C10orf67: variants seen among roughly 807,000 people sequenced by gnomAD.
C10orf67 encodes uncharacterized protein C10orf67, mitochondrial.
In C10orf67, 60 loss-of-function variants were observed where a neutral mutation model predicts 35.6. The observed-to-expected ratio is 1.68, with a 90% CI of 1.37 to 2.09. The LOEUF (loss-of-function observed/expected upper bound fraction) is 2.09. Ranked by LOEUF, C10orf67 falls within the 30% of genes most tolerant of loss-of-function variation. The pLI is 0.00. For synonymous variants in C10orf67, 167 were observed against 115.8 expected (o/e 1.44, Z -2.84); for missense variants, 474 against 330.2 (o/e 1.44, Z -3.38).
chr10:23,337,336 C>A (rs763015352), intron 1 of C10orf67, among the ~76,000 whole-genome samples: 4 of 152,152 alleles, frequency 2.6e-5, no homozygotes, highest in Non-Finnish European at 5.9e-5. Flanking sequence ...GAGTTCGAGA[C>A]CAGCCTGGCC....
At position 23,233,856 on chromosome 10, in the gene C10orf67, C is replaced by T. The variant is rs1164185630; in HGVS notation, c.1434+5873G>A. 2.0e-5 allele frequency among the ~76,000 whole-genome samples: 3 copies of T among 151,878 alleles called. No individual in the cohort carries two copies. In the East Asian group the frequency reaches 5.8e-4, roughly 29 times the overall value. On this transcript the variant is annotated intron_variant, in intron 13 of 15. Coordinates refer to ENST00000636213, the MANE Select transcript of C10orf67 (RefSeq NM_001371909.1). ...GAGTTTACCTTAAAGTTTAGCATTA[C>T]AATATAGGAAATAAAAACAAGTAAA...
intron 1 of C10orf67, among the ~76,000 whole-genome samples, chr10:23,340,183 G>A (rs1305157829): frequency 6.6e-6 from 1 of 151,724 alleles, no homozygotes; most frequent in African/African-American, 2.4e-5. Context: ...ATTCCTTCTG[G>A]TACCATAATA....
At chr10:23,269,160 T>C (rs1244351780) in intron 8 of C10orf67, among the ~76,000 whole-genome samples, 1 of 152,254 alleles carries the variant, frequency 6.6e-6, no homozygotes, top group Non-Finnish European at 1.5e-5. Context: ...ATGACTATTT[T>C]GTCTTAATTT....
chr10:23,328,993 C>CAAAAAAAAAAAAAAAAAAGAAA (rs1845310437), intron 2 of C10orf67, among the ~76,000 whole-genome samples: 2 of 78,732 alleles, frequency 2.5e-5, no homozygotes, highest in South Asian at 4.7e-4. Flanking sequence ...CATAAACGAA[C>CAAAAAAAAAAAAAAAAAAGAAA]AAAAAAAAAA....
At chr10:23,211,883 T>C (rs1841319290) in intron 15 of C10orf67, among the ~76,000 whole-genome samples, 1 of 152,070 alleles carries the variant, frequency 6.6e-6, no homozygotes. Flanking sequence ...CAAAAAGACA[T>C]ACTGGGAGAA....
At chr10:23,321,569 C>T (rs1324355357) in intron 3 of C10orf67, among the ~76,000 whole-genome samples, 1 of 152,184 alleles carries the variant, frequency 6.6e-6, no homozygotes, top group Non-Finnish European at 1.5e-5. Context: ...CTCCCTTTAA[C>T]TATCTGTCTG....
At chr10:23,243,344 T>G (rs1842231711) in intron 12 of C10orf67, among the ~76,000 whole-genome samples, 1 of 152,208 alleles carries the variant, frequency 6.6e-6, no homozygotes, top group Admixed American at 6.5e-5. Flanking sequence ...ATTAATGGGT[T>G]GACCTCATTG....
Position 23,333,166 on chromosome 10 carries a change from C to T in C10orf67, c.223G>A (p.Asp75Asn), listed in dbSNP as rs1845547824. Reference sequence around the variant, plus strand: ...GTGCTGAAAAAGCCAATCTTTAAATCATCTGAAATGTTAAGTCTGAAAACA... The same window carrying T: ...GTGCTGAAAAAGCCAATCTTTAAATTATCTGAAATGTTAAGTCTGAAAACA... ...RGSTRLNISD[D>N]LKIGFFSTDH... Residue 75 changes from aspartate (D) to asparagine (N), a missense_variant, in exon 2 of 16, where the codon GAT becomes AAT. Physicochemically the swap from Asp to Asn is conservative, Grantham distance 23. Transcript: ENST00000636213. The T allele has an allele frequency of 6.2e-7, 1 of 1,604,022 alleles. No homozygotes were observed. The highest frequency in any genetic ancestry group is 8.5e-7 in the Non-Finnish European group (1 of 1,173,374).
intron 1 of C10orf67, 67 bp downstream of exon 1, chr10:23,344,502 C>G (rs556854793): frequency 1.4e-6 from 2 of 1,442,192 alleles, no homozygotes; most frequent in Admixed American, 3.9e-5. Context: ...AATAACCCTT[C>G]AGCCTCCCGC....
rs72788413 is a variant in C10orf67, at chr10:23,312,225, A to G, written c.546+8516T>C. Among the ~76,000 whole-genome samples, 120 of 152,354 alleles carry G rather than the reference A, an allele frequency of 7.9e-4. 4 individuals are homozygous for G. Among genetic ancestry groups the G allele is most frequent in the South Asian group, 7.2e-3 (35 of 4,828 alleles). ...ACTTTTTCCTGAAATAAATAAATGC[A>G]TTAGTTATTCACTTATTTACTTATA... is the stretch of plus-strand genomic sequence containing the variant. On this transcript the variant is annotated intron_variant, in intron 4 of 15. Transcript: ENST00000636213.
chr10:23,245,488 A>C (rs759533348), intron 12 of C10orf67, among the ~76,000 whole-genome samples: 8 of 152,220 alleles, frequency 5.3e-5, no homozygotes, highest in Non-Finnish European at 8.8e-5. Context: ...AATATCCAAA[A>C]TATGTAAGAA....
At chr10:23,244,443 C>T (rs1842263053) in intron 12 of C10orf67, among the ~76,000 whole-genome samples, 1 of 151,774 alleles carries the variant, frequency 6.6e-6, no homozygotes, top group Non-Finnish European at 1.5e-5. Flanking sequence ...TAGAAGGAAA[C>T]AAGATAAAAG....
chr10:23,319,005 T>C (rs755419364), intron 4 of C10orf67: 30 of 713,354 alleles, frequency 4.2e-5, no homozygotes, highest in Non-Finnish European at 7.8e-5. Context: ...TTTTTTTTCT[T>C]TCCAATTTTT....
intron 8 of C10orf67, among the ~76,000 whole-genome samples, chr10:23,269,649 G>A (rs1038864742): frequency 2.6e-5 from 4 of 151,856 alleles, no homozygotes; most frequent in African/African-American, 9.7e-5. Context: ...TACAAGAGAA[G>A]CACTTAAATA....
intron 12 of C10orf67, among the ~76,000 whole-genome samples, chr10:23,245,631 T>C (rs1439475456): frequency 6.6e-6 from 1 of 151,908 alleles, no homozygotes; most frequent in Admixed American, 6.6e-5. Context: ...ATCAGGAAAA[T>C]TCAAATCAAA....
chr10:23,249,959 GT>G (rs1280511177), intron 12 of C10orf67, among the ~76,000 whole-genome samples: 2 of 152,154 alleles, frequency 1.3e-5, no homozygotes, highest in Admixed American at 6.5e-5. Flanking sequence ...GAATTTTACA[GT>G]TTCTCCATTT....
At chr10:23,265,076 T>C (rs757746641) in intron 10 of C10orf67, among the ~76,000 whole-genome samples, 1 of 152,268 alleles carries the variant, frequency 6.6e-6, no homozygotes, top group African/African-American at 2.4e-5. Flanking sequence ...GTGTCAGTTT[T>C]TTCCCTTGGG....
At position 23,322,394 on chromosome 10, in the gene C10orf67, C is replaced by T. The variant is rs748078961; in HGVS notation, c.471G>A (p.Gln157=). The T allele has an allele frequency of 3.1e-6, 5 of 1,608,326 alleles. No individual in the cohort carries two copies. The highest frequency in any genetic ancestry group is 4.3e-6 in the Non-Finnish European group (5 of 1,175,498). The change falls in exon 3 of 16, where the codon CAG becomes CAA. Residue 157 remains glutamine (Q), a splice_region_variant and synonymous_variant. Coordinates refer to ENST00000636213, the MANE Select transcript of C10orf67 (RefSeq NM_001371909.1). The part of the protein sequence containing the change: ...RILEIEKHYQ[Q]NEDKMRKSFN... ...ACAAAAGAAATAAGAGAACATTTAC[C>T]TGTTGATAATGCTTTTCAATTTCTA... is the stretch of plus-strand genomic sequence containing the variant.
intron 7 of C10orf67, among the ~76,000 whole-genome samples, chr10:23,287,801 G>C (rs1428361336): frequency 6.6e-6 from 1 of 152,086 alleles, no homozygotes; most frequent in East Asian, 1.9e-4. Flanking sequence ...CCATCAAAAA[G>C]TGGGCAAAGG....
Sources: gnomAD v4.1 joint callset for allele counts (sites outside exome capture counted in the v4.1 genomes callset) on GRCh38, gnomAD v4.1.1 for gene constraint, MANE v1.5 for transcripts, NCBI Gene and HGNC (gene_info 2026-07-23, HGNC 2026-07-21) for gene names.